The following CROCC variants were observed in gnomAD, a reference collection of about 807,000 sequenced individuals.
CROCC encodes the protein rootletin.
A neutral mutation model predicts 245.2 loss-of-function variants in CROCC; 180 were observed. That is an observed-to-expected ratio of 0.73 (90% confidence interval 0.65 to 0.83). The LOEUF is 0.83. CROCC is among the 40% of genes least tolerant of loss of function. CROCC has a pLI of 0.00. For synonymous variants in CROCC, 1,205 were observed against 1,241.6 expected (o/e 0.97, Z 0.62); for missense variants, 2,688 against 2,779.4 (o/e 0.97, Z 0.74).
Position 16,946,970 on chromosome 1 carries a change from G to A in CROCC, c.2493G>A (p.Gln831=). 1 of 1,554,608 alleles carries A rather than the reference G, an allele frequency of 6.4e-7. No individual in the cohort carries two copies. The highest frequency in any genetic ancestry group is 1.9e-4 in the Middle Eastern group (1 of 5,338). ...QLPTLRHERS[Q]LQEQLAQLSR... is the part of the protein sequence containing the mutation. ...CCACGCTGCGCCATGAGCGCAGCCA[G>A]CTGCAGGAGCAGCTAGCGCAGGTGG... The change falls in exon 17 of 37, where the codon CAG becomes CAA. Residue 831 remains glutamine (Q), a synonymous_variant. Transcript: ENST00000375541.
chr1:16,969,403 T>C (rs531923856), intron 32 of CROCC, 63 bp downstream of exon 32: 1 of 1,489,752 alleles, frequency 6.7e-7, no homozygotes, highest in Admixed American at 2.0e-5. Context: ...AAGAGCAGGC[T>C]TGGAGGGGGG....
chr1:16,967,115 T>A (rs529047297), intron 30 of CROCC, among the ~76,000 whole-genome samples: 2 of 152,260 alleles, frequency 1.3e-5, no homozygotes, highest in South Asian at 2.1e-4. Flanking sequence ...TGGGCTGTCA[T>A]CTGCCTGGTT....
At chr1:16,957,852 C>T (rs955036167) in intron 25 of CROCC, among the ~76,000 whole-genome samples, 1 of 152,164 alleles carries the variant, frequency 6.6e-6, no homozygotes, top group South Asian at 2.1e-4. Context: ...ATACCACAGC[C>T]CCCTTCACCC....
intron 20 of CROCC, among the ~76,000 whole-genome samples, chr1:16,951,756 G>T (rs569203367): frequency 1.3e-5 from 2 of 152,240 alleles, no homozygotes; most frequent in African/African-American, 4.8e-5. Context: ...CCAAATCCTA[G>T]ACAGGGCTGC....
In CROCC at chr1:16,958,803, C is replaced by T. The variant is rs41300134; in HGVS notation, c.4032+53C>T. ...CATCTTTCCTTCCCCCAGCAGGAAG[C>T]AGGTGGGCACCCCAATGCTGGGGCC... On this transcript the variant is annotated intron_variant, in intron 26 of 36. Transcript: ENST00000375541. 202,170 of 1,527,604 alleles carry T rather than the reference C, an allele frequency of 0.13. 14,408 individuals are homozygous for T. The highest frequency in any genetic ancestry group is 0.21 in the South Asian group (17,626 of 82,144). 94.6% of individuals were successfully genotyped at this position (1,527,604 alleles called of 1,614,324 possible).
chr1:16,948,380 G>A lies in CROCC; in HGVS notation c.2564G>A (p.Arg855Gln), dbSNP rs780930082. The A allele has an allele frequency of 1.1e-5, 18 of 1,578,502 alleles. No homozygotes were observed. Among genetic ancestry groups the A allele is most frequent in the Middle Eastern group, 2.1e-4 (1 of 4,862 alleles). ...GREQELEQAR[R>Q]EAQRQVEALE... is the part of the protein sequence containing the mutation. Reference sequence around the variant, plus strand: ...GAGCAGGAGCTGGAGCAGGCCCGGCGGGAGGCCCAGCGGCAAGTGGAGGCG... The same window carrying A: ...GAGCAGGAGCTGGAGCAGGCCCGGCAGGAGGCCCAGCGGCAAGTGGAGGCG... Residue 855 changes from arginine (R) to glutamine (Q), a missense_variant, in exon 18 of 37, where the codon CGG becomes CAG. Around this residue, in one of 9 missense-constraint regions of CROCC, gnomAD observed 295 missense variants for 241.7 expected, o/e 1.22. Transcript: ENST00000375541.
rs764543244 is a variant in CROCC, at chr1:16,924,451, C to T, written c.323C>T (p.Ala108Val). 3.3e-5 allele frequency: 54 copies of T among 1,613,488 alleles called. No individual in the cohort carries two copies. Among genetic ancestry groups the T allele is most frequent in the Non-Finnish European group, 4.6e-5 (54 of 1,179,868 alleles). Residue 108 changes from alanine to valine, a missense_variant, in exon 3 of 37, where the codon GCC becomes GTC. Coordinates refer to ENST00000375541, the MANE Select transcript of CROCC (RefSeq NM_014675.5). ...AGCCGTGCCGAGCGCGATGAGCTCG[C>T]CATTAAGTACAATGCGGTCAGCGAG... ...AQSRAERDELAIKYNAVSERL... is the reference protein window; with the variant it reads ...AQSRAERDELVIKYNAVSERL...
At position 16,960,796 on chromosome 1, in the gene CROCC, C is replaced by G. The variant is rs755995417; in HGVS notation, c.4071C>G (p.Gly1357=). The change falls in exon 27 of 37, where the codon GGC becomes GGG. Residue 1357 remains glycine (G), a synonymous_variant. Coordinates refer to ENST00000375541, the MANE Select transcript of CROCC (RefSeq NM_014675.5). ...VAQRKLQEQE[G]EFRTRERRLL... ...AGCGGAAGCTGCAGGAACAAGAAGGCGAGTTCCGGACCCGCGAGCGACGCC... is the reference window on the plus strand; with the variant it reads ...AGCGGAAGCTGCAGGAACAAGAAGGGGAGTTCCGGACCCGCGAGCGACGCC... 25 of 1,537,630 alleles carry G rather than the reference C, an allele frequency of 1.6e-5. No homozygotes were observed. In the African/African-American group the frequency reaches 3.3e-4, roughly 21 times the overall value.
intron 27 of CROCC, among the ~76,000 whole-genome samples, chr1:16,962,464 G>A (rs2076348304): frequency 6.9e-6 from 1 of 145,682 alleles, no homozygotes; most frequent in Admixed American, 7.0e-5. Context: ...GAACCCGGAA[G>A]ATGGAGCTTG....
Position 16,931,465 on chromosome 1 carries a change from A to T in CROCC, c.956+68A>T. On this transcript the variant is annotated intron_variant, in intron 8 of 36. Coordinates refer to ENST00000375541, the MANE Select transcript of CROCC (RefSeq NM_014675.5). ...CTGCTCTTTATGTCCAACTGAACTC[A>T]GTTGAATTTCAGTTCAACTCAACGC... The T allele has an allele frequency of 2.8e-6, 4 of 1,432,998 alleles. No homozygotes were observed. In the South Asian group the frequency reaches 4.7e-5, roughly 17 times the overall value. 88.8% of individuals were successfully genotyped at this position (1,432,998 alleles called of 1,614,324 possible).
chr1:16,919,940 G>T (rs2075368157), upstream of CROCC, among the ~76,000 whole-genome samples: 1 of 152,232 alleles, frequency 6.6e-6, no homozygotes, highest in African/African-American at 2.4e-5. Context: ...CACCCAGGCT[G>T]GAGTGCTGTG....
intron 13 of CROCC, 52 bp downstream of exon 13, chr1:16,940,145 G>A (rs1448981726): frequency 4.5e-6 from 7 of 1,542,628 alleles, no homozygotes; most frequent in Admixed American, 1.9e-5. Context: ...CACCGTCTGG[G>A]CATAACACCA....
rs1259115393 is a variant in CROCC at position 16,938,984 on chromosome 1, C to G, written c.1450C>G (p.Leu484Val). The change falls in exon 12 of 37, where the codon CTG (leucine) becomes GTG (valine). Residue 484 changes from leucine (L) to valine (V), a missense_variant. Leu to Val is a conservative substitution (Grantham distance 32, BLOSUM62 1). Around this residue, in one of 9 missense-constraint regions of CROCC, gnomAD observed 972 missense variants for 895.3 expected, o/e 1.09. Coordinates refer to ENST00000375541, the MANE Select transcript of CROCC (RefSeq NM_014675.5). The part of the protein sequence containing the change: ...ERTADASNGS[L>V]RGLSGQRTPS... ...CACCGCGGATGCTTCCAACGGCAGC[C>G]TGCGGGGGCTCTCGGGCCAGCGGAC... 1 of 1,604,874 alleles carries G rather than the reference C, an allele frequency of 6.2e-7. No individual in the cohort carries two copies. Among genetic ancestry groups the G allele is most frequent in the Non-Finnish European group, 8.5e-7 (1 of 1,177,138 alleles).
chr1:16,955,543 C>T lies in CROCC; in HGVS notation c.3697C>T (p.Arg1233Cys), dbSNP rs139239346. The change falls in exon 24 of 37, where the codon CGC (arginine) becomes TGC (cysteine). Residue 1233 changes from arginine to cysteine, a missense_variant. By Grantham distance (180) the Arg-to-Cys change is radical. Around this residue, in one of 9 missense-constraint regions of CROCC, gnomAD observed 1,218 missense variants for 1,286.3 expected, o/e 0.95. Transcript: ENST00000375541. ...RSAVKKAESE[R>C]ISLKLANEDK... ...TGCTGTGAAGAAGGCAGAGAGCGAG[C>T]GCATCAGGTGGGGTGTCGCAGGAGG... 15 of 1,538,198 alleles carry T rather than the reference C, an allele frequency of 9.8e-6. No individual in the cohort carries two copies. The African/African-American group carries it at 1.2e-4, about 13-fold the overall frequency.
At chr1:16,932,593 G>A (rs1217557057) in intron 8 of CROCC, among the ~76,000 whole-genome samples, 5 of 152,242 alleles carry the variant, frequency 3.3e-5, no homozygotes, top group African/African-American at 1.2e-4. Flanking sequence ...AGAGCCTCAA[G>A]GGATGGGTAG....
upstream of CROCC, among the ~76,000 whole-genome samples, chr1:16,918,302 T>TC: frequency 2.3e-5 from 1 of 44,338 alleles, no homozygotes; most frequent in South Asian, 5.3e-4. Context: ...AATTCAGTCT[T>TC]TTTTTTTTTT....
In CROCC at chr1:16,954,171, G is replaced by A. The variant is rs1226887656; in HGVS notation, c.3187-52G>A. On this transcript the variant is annotated intron_variant, in intron 21 of 36. Transcript: ENST00000375541. This position sits in a 1 kb window ranked among gnomAD's most constrained non-coding sequence, Gnocchi z 4.4. ...CCTAGGCAGCAAGAAGCCTGAGCAT[G>A]CCCCCAGGACCAGCCCATCCCCCAA... 2.6e-6 allele frequency: 4 copies of A among 1,536,456 alleles called. No individual in the cohort carries two copies. Among genetic ancestry groups the A allele is most frequent in the South Asian group, 1.2e-5 (1 of 84,998 alleles).
Position 16,940,099 on chromosome 1 carries a change from G to A in CROCC, c.1808+6G>A, listed in dbSNP as rs778152959. ...GCCAACGAGCTCCTGAGCAGGTGCC[G>A]GGGAGGTCTGAGCTGGGGGGTACTG... is the stretch of plus-strand genomic sequence containing the variant. On this transcript the variant is annotated splice_donor_region_variant and intron_variant, in intron 13 of 36. Transcript: ENST00000375541. The A allele has an allele frequency of 9.4e-6, 15 of 1,594,826 alleles. No homozygotes were observed. The highest frequency in any genetic ancestry group is 1.3e-5 in the Non-Finnish European group (15 of 1,172,880).
At chr1:16,931,711 G>C (rs1266511996) in intron 8 of CROCC, among the ~76,000 whole-genome samples, 3 of 152,262 alleles carry the variant, frequency 2.0e-5, no homozygotes, top group African/African-American at 7.2e-5. Context: ...TGATCTTCCT[G>C]AGGTCACACA....
Sources: allele counts gnomAD v4.1 joint callset (sites outside exome capture counted in the v4.1 genomes callset), GRCh38; gene constraint gnomAD v4.1.1; regional missense constraint gnomAD v4.1.1; non-coding constraint Gnocchi (gnomAD v3.1); transcripts MANE v1.5; gene names NCBI Gene and HGNC (gene_info 2026-07-23, HGNC 2026-07-21).